CDKL5: variants seen among roughly 807,000 people sequenced by gnomAD.
CDKL5 encodes cyclin-dependent kinase-like 5.
CDKL5 carries 8 observed loss-of-function variants against 61.7 expected under a neutral mutation model. That is an observed-to-expected ratio of 0.13 (90% CI 0.08 to 0.23). The LOEUF (loss-of-function observed/expected upper bound fraction) is 0.23, where lower values mean the gene tolerates loss of function less well. CDKL5 is among the 10% of genes least tolerant of loss of function. The pLI, the probability that CDKL5 is intolerant of heterozygous loss-of-function variation, is 1.00. For missense variants in CDKL5, 440 were observed against 734.5 expected (o/e 0.60, Z 4.63); for synonymous variants, 275 against 272.3 (o/e 1.01, Z -0.10).
At chrX:18,489,234 A>AT (rs1220995583) in intron 1 of CDKL5, among the ~76,000 whole-genome samples, 1 of 110,884 alleles carries the variant, frequency 9.0e-6, no homozygotes, top group African/African-American at 3.3e-5. Flanking sequence ...TTCTCGTGGT[A>AT]TTTTTTAAAG....
chrX:18,521,134 T>C (rs893894093), intron 3 of CDKL5, among the ~76,000 whole-genome samples: 1 of 112,362 alleles, frequency 8.9e-6, no homozygotes, highest in Non-Finnish European at 1.9e-5. Context: ...ATGAGTGATT[T>C]TGAGCATCTT....
At chrX:18,650,695 T>A in intron 21 of CDKL5, 1 of 940,119 alleles carries the variant, frequency 1.1e-6, no homozygotes, top group Non-Finnish European at 1.5e-6. Flanking sequence ...CCCCAGGGAT[T>A]CTGACATCAT....
chrX:18,500,919 A>G (rs186036507), intron 1 of CDKL5, among the ~76,000 whole-genome samples: 3 of 110,876 alleles, frequency 2.7e-5, no homozygotes, highest in African/African-American at 6.6e-5. Flanking sequence ...GCTCACTGCA[A>G]CCATCACCTC....
In CDKL5 at chrX:18,564,526, GATATATATAT is replaced by G; in HGVS notation, c.145+19_145+28del. 3.3e-6 allele frequency: 2 copies of G among 608,127 alleles called. No individual in the cohort carries two copies. The highest frequency in any genetic ancestry group is 4.9e-6 in the Non-Finnish European group (2 of 406,225). 50.1% of individuals were successfully genotyped at this position (608,127 alleles called of 1,213,427 possible). On this transcript the variant is annotated splice_donor_5th_base_variant and intron_variant, in intron 4 of 17. Transcript: ENST00000623535. ...AAGAAATTCAAGGACAGTGAAGGTA[GATATATATAT>G]ATATATATATATATCTGTATATATG...
chrX:18,582,966 CTG>C (rs1444987566), intron 7 of CDKL5, among the ~76,000 whole-genome samples: 3 of 111,599 alleles, frequency 2.7e-5, no homozygotes, highest in Non-Finnish European at 5.6e-5. Context: ...GTAAAAGAGT[CTG>C]TGTCCTAAAT....
At chrX:18,652,680 C>T (rs1034571921) in intron 21 of CDKL5, among the ~76,000 whole-genome samples, 10 of 106,756 alleles carry the variant, frequency 9.4e-5, no homozygotes, top group African/African-American at 3.5e-4. Flanking sequence ...AAAAAAAAAA[C>T]TAAGGGGATC....
rs756735587 is a variant in CDKL5, at chrX:18,426,001, G to C, written c.-163+306G>C. ...GCGGCGGGTCGAGCCCGCCCCGCGG[G>C]GTTCCCCTCAGCGGCGGGTCTGCGG... On this transcript the variant is annotated intron_variant, in intron 1 of 17. Coordinates refer to ENST00000623535, the MANE Select transcript of CDKL5 (RefSeq NM_001323289.2). 8.9e-5 allele frequency among the ~76,000 whole-genome samples: 10 copies of C among 112,046 alleles called. No homozygotes were observed. The South Asian group carries it at 3.3e-3, about 37-fold the overall frequency.
chrX:18,635,745 T>G lies in CDKL5; in HGVS notation c.*6988T>G, dbSNP rs776089807. ...ATGGGAAGAGAGGCCAATCTTGTGC[T>G]AAGTGCTATGGAGAAAGCAAAGATG... is the stretch of plus-strand genomic sequence containing the variant. On this transcript the variant is annotated 3_prime_UTR_variant, in exon 18 of 18. Coordinates refer to ENST00000623535, the MANE Select transcript of CDKL5 (RefSeq NM_001323289.2). 1 of 329,331 alleles carries G rather than the reference T, an allele frequency of 3.0e-6. No homozygotes were observed. The highest frequency in any genetic ancestry group is 4.0e-6 in the Non-Finnish European group (1 of 251,121). The allele number at this position is 329,331 out of a possible 1,213,427, so 27.1% of individuals were successfully genotyped here.
intron 4 of CDKL5, among the ~76,000 whole-genome samples, chrX:18,567,225 G>A (rs1924998180): frequency 9.0e-6 from 1 of 111,558 alleles, no homozygotes. Context: ...TCTCATTCAG[G>A]TAAGGATGTC....
At chrX:18,464,045 G>T (rs1932348953) in intron 1 of CDKL5, among the ~76,000 whole-genome samples, 1 of 108,870 alleles carries the variant, frequency 9.2e-6, no homozygotes. Flanking sequence ...TTTTTTTAAA[G>T]AAATTATGGG....
chrX:18,494,731 C>T (rs1602224285), intron 1 of CDKL5, among the ~76,000 whole-genome samples: 1 of 112,274 alleles, frequency 8.9e-6, no homozygotes, highest in East Asian at 2.8e-4. Context: ...TAGGGAGGCA[C>T]ATAACATATT....
chrX:18,599,011 T>C (rs1178913608), intron 11 of CDKL5, among the ~76,000 whole-genome samples: 1 of 112,215 alleles, frequency 8.9e-6, no homozygotes, highest in East Asian at 2.8e-4. Context: ...GATGGAAATG[T>C]ACCTAGTGTA....
chrX:18,519,687 C>A (rs1923176495), intron 3 of CDKL5, among the ~76,000 whole-genome samples: 1 of 111,297 alleles, frequency 9.0e-6, no homozygotes, highest in South Asian at 3.8e-4. Context: ...TGCATAGTAC[C>A]CTTTCCACCC....
At chrX:18,533,195 A>G (rs1444042618) in intron 3 of CDKL5, among the ~76,000 whole-genome samples, 3 of 112,227 alleles carry the variant, frequency 2.7e-5, no homozygotes, top group Non-Finnish European at 3.8e-5. Flanking sequence ...GTAATAATCA[A>G]TTAGCTGTGG....
intron 1 of CDKL5, among the ~76,000 whole-genome samples, chrX:18,464,444 TTGTC>T (rs1932356812): frequency 9.0e-6 from 1 of 111,715 alleles, no homozygotes; most frequent in African/African-American, 3.2e-5. Context: ...TAATATCTCT[TTGTC>T]TGTTTTCTCT....
At chrX:18,524,697 A>G (rs1235659941) in intron 3 of CDKL5, among the ~76,000 whole-genome samples, 2 of 111,422 alleles carry the variant, frequency 1.8e-5, no homozygotes, top group East Asian at 5.6e-4. Context: ...GGTCACCTAG[A>G]TTTTCTAGGT....
intron 3 of CDKL5, among the ~76,000 whole-genome samples, chrX:18,552,502 C>G (rs772552562): frequency 1.2e-4 from 13 of 112,026 alleles, no homozygotes; most frequent in African/African-American, 4.2e-4. Context: ...TCCTTTTTTG[C>G]TGAGCACATT....
chrX:18,635,479 T>G lies in CDKL5; in HGVS notation c.*6722T>G. On this transcript the variant is annotated 3_prime_UTR_variant, in exon 18 of 18. Coordinates refer to ENST00000623535, the MANE Select transcript of CDKL5 (RefSeq NM_001323289.2). ...GAACAGCTCCATTTTAGTTCCTTCT[T>G]GGGAAGAAAGAATGCATTCGAATTC... The G allele has an allele frequency of 1.3e-6, 1 of 754,363 alleles. No homozygotes were observed. Among genetic ancestry groups the G allele is most frequent in the South Asian group, 6.7e-5 (1 of 14,849 alleles). 62.2% of individuals were successfully genotyped at this position (754,363 alleles called of 1,213,427 possible). A position where few individuals can be genotyped will look rare whatever the true frequency, so the allele number is the denominator to read the frequency against.
At chrX:18,564,840 TAAA>T (rs1569210642) in intron 4 of CDKL5, among the ~76,000 whole-genome samples, 1 of 111,418 alleles carries the variant, frequency 9.0e-6, no homozygotes, top group East Asian at 2.8e-4. Context: ...ATGCTGTTTC[TAAA>T]TATTATTAAA....
Sources: gnomAD v4.1 joint callset for allele counts (sites outside exome capture counted in the v4.1 genomes callset) on GRCh38, gnomAD v4.1.1 for gene constraint, MANE v1.5 for transcripts, NCBI Gene and HGNC (gene_info 2026-07-23, HGNC 2026-07-21) for gene names.